Variants in GRID2 observed in about 807,000 individuals in gnomAD.
GRID2 encodes glutamate receptor ionotropic, delta-2.
A neutral mutation model predicts 114.8 loss-of-function variants in GRID2; 33 were observed. That is an observed-to-expected ratio of 0.29 (90% CI 0.22 to 0.38). The LOEUF is 0.38. Ranked by LOEUF, GRID2 falls within the 10% of genes least tolerant of loss-of-function variation. The pLI is 1.00. For synonymous variants in GRID2, 505 were observed against 449.9 expected (o/e 1.12, Z -1.55); for missense variants, 1,184 against 1,257.7 (o/e 0.94, Z 0.89).
At chr4:93,330,496 A>G (rs1384934909) in intron 8 of GRID2, among the ~76,000 whole-genome samples, 1 of 152,228 alleles carries the variant, frequency 6.6e-6, no homozygotes, top group East Asian at 1.9e-4. Flanking sequence ...TTTCTTCATT[A>G]AAACATATAT....
chr4:92,546,904 C>T (rs1207146133), intron 1 of GRID2, among the ~76,000 whole-genome samples: 3 of 152,126 alleles, frequency 2.0e-5, no homozygotes, highest in South Asian at 2.1e-4. Context: ...AGCTAAACAC[C>T]AAATAGTTGG....
intron 1 of GRID2, among the ~76,000 whole-genome samples, chr4:92,323,460 T>G (rs1579179916): frequency 6.6e-6 from 1 of 152,046 alleles, no homozygotes; most frequent in Non-Finnish European, 1.5e-5. Context: ...TCCTAAAAGT[T>G]TTTTTTCCTA....
intron 4 of GRID2, among the ~76,000 whole-genome samples, chr4:93,167,441 C>A (rs1490210373): frequency 6.6e-6 from 1 of 152,100 alleles, no homozygotes; most frequent in East Asian, 1.9e-4. Context: ...TTTAGTAGTT[C>A]TCTATATCGT....
At chr4:92,311,640 AT>A (rs1007016996) in intron 1 of GRID2, among the ~76,000 whole-genome samples, 38 of 152,174 alleles carry the variant, frequency 2.5e-4, no homozygotes, top group African/African-American at 1.7e-4. Context: ...AGAGTACCTG[AT>A]TTTTTTCATA....
chr4:92,974,913 T>C (rs992836906), intron 2 of GRID2, among the ~76,000 whole-genome samples: 1 of 151,626 alleles, frequency 6.6e-6, no homozygotes, highest in African/African-American at 2.4e-5. Context: ...ATCCCAGCAC[T>C]TTGGGAGGCC....
intron 4 of GRID2, among the ~76,000 whole-genome samples, chr4:93,117,805 G>C (rs142868198): frequency 6.6e-6 from 1 of 152,284 alleles, no homozygotes; most frequent in South Asian, 2.1e-4. Context: ...ATAGGCAAGA[G>C]TTATAGTGCT....
At chr4:93,039,626 G>A (rs547673162) in intron 2 of GRID2, among the ~76,000 whole-genome samples, 99 of 152,216 alleles carry the variant, frequency 6.5e-4, no homozygotes, top group South Asian at 4.6e-3. Context: ...ATATCTAACA[G>A]AGGGCAACAG....
intron 2 of GRID2, among the ~76,000 whole-genome samples, chr4:92,748,647 T>G (rs1474897943): frequency 6.8e-6 from 1 of 146,326 alleles, no homozygotes; most frequent in Non-Finnish European, 1.5e-5. Flanking sequence ...ATTATTATTA[T>G]TATTATTATT....
chr4:92,706,282 T>A (rs1457590815), intron 2 of GRID2, among the ~76,000 whole-genome samples: 1 of 152,198 alleles, frequency 6.6e-6, no homozygotes, highest in African/African-American at 2.4e-5. Context: ...ATCAGGGTTA[T>A]TCTAAAAAAA....
At chr4:93,561,765 C>T (rs945600669) in intron 13 of GRID2, among the ~76,000 whole-genome samples, 26 of 152,222 alleles carry the variant, frequency 1.7e-4, no homozygotes, top group Admixed American at 9.8e-4. Flanking sequence ...GAATATCATG[C>T]AATTAGAGTC....
At chr4:93,001,024 A>C (rs962964127) in intron 2 of GRID2, among the ~76,000 whole-genome samples, 9 of 151,684 alleles carry the variant, frequency 5.9e-5, no homozygotes, top group African/African-American at 2.2e-4. Flanking sequence ...TATTTCATTA[A>C]ATTAGAAAAT....
At chr4:93,658,731 GA>G (rs1723230468) in intron 14 of GRID2, among the ~76,000 whole-genome samples, 1 of 152,178 alleles carries the variant, frequency 6.6e-6, no homozygotes, top group Non-Finnish European at 1.5e-5. Context: ...CATAAGGGAT[GA>G]GGATGCTTGG....
intron 14 of GRID2, among the ~76,000 whole-genome samples, chr4:93,667,129 G>A (rs1724014481): frequency 6.6e-6 from 1 of 151,978 alleles, no homozygotes; most frequent in African/African-American, 2.4e-5. Context: ...CCAACTGATT[G>A]AAAAGAGAAA....
At chr4:92,626,444 AAC>A (rs1730528330) in intron 2 of GRID2, among the ~76,000 whole-genome samples, 1 of 151,930 alleles carries the variant, frequency 6.6e-6, no homozygotes, top group African/African-American at 2.4e-5. Context: ...TAAAACGAAA[AAC>A]ACAAAAACAC....
chr4:93,241,045 AG>A (rs1284178146), intron 8 of GRID2, among the ~76,000 whole-genome samples: 1 of 151,634 alleles, frequency 6.6e-6, no homozygotes, highest in African/African-American at 2.4e-5. Flanking sequence ...TCAACATTTA[AG>A]GTACATTCTT....
chr4:93,243,093 C>G (rs1399895839), intron 8 of GRID2, among the ~76,000 whole-genome samples: 1 of 151,870 alleles, frequency 6.6e-6, no homozygotes, highest in Non-Finnish European at 1.5e-5. Context: ...CCTTGTATAC[C>G]TTTGACACTT....
intron 9 of GRID2, among the ~76,000 whole-genome samples, chr4:93,421,887 A>G (rs1768325889): frequency 6.6e-6 from 1 of 152,132 alleles, no homozygotes; most frequent in Non-Finnish European, 1.5e-5. Flanking sequence ...GCTTATATAC[A>G]AGGAGAAATT....
At position 93,238,466 on chromosome 4, in the gene GRID2, A is replaced by C; in HGVS notation, c.1221A>C (p.Glu407Asp). ...AAATCCTTGGAACCAACTATGGAGA[A>C]GAGCTTGGCAGAGGTGTTCGAAAAG... ...HFEILGTNYG[E>D]ELGRGVRKLG... The change falls in exon 8 of 16, where the codon GAA becomes GAC. Residue 407 changes from glutamate to aspartate, a missense_variant. This residue lies in a region of GRID2 where 717 missense variants were observed against 796.9 expected (regional missense o/e 0.90). Transcript: ENST00000282020. 6 of 1,610,014 alleles carry C rather than the reference A, an allele frequency of 3.7e-6. No individual in the cohort carries two copies. Among genetic ancestry groups the C allele is most frequent in the Non-Finnish European group, 5.1e-6 (6 of 1,176,840 alleles).
chr4:92,741,924 A>G (rs1237203864), intron 2 of GRID2, among the ~76,000 whole-genome samples: 1 of 152,184 alleles, frequency 6.6e-6, no homozygotes, highest in Non-Finnish European at 1.5e-5. Flanking sequence ...GAAAAATGCT[A>G]TTTTACAAAT....
Sources: allele counts gnomAD v4.1 joint callset (sites outside exome capture counted in the v4.1 genomes callset), GRCh38; gene constraint gnomAD v4.1.1; regional missense constraint gnomAD v4.1.1; transcripts MANE v1.5; gene names NCBI Gene and HGNC (gene_info 2026-07-23, HGNC 2026-07-21).